The following KIF16B variants were observed in gnomAD, a reference collection of about 807,000 sequenced individuals.
KIF16B encodes the protein kinesin-like protein KIF16B.
In KIF16B, 98 loss-of-function variants were observed where a neutral mutation model predicts 156.3. The ratio of observed to expected loss-of-function variants is 0.63; its 90% CI spans 0.53 to 0.74. The LOEUF (loss-of-function observed/expected upper bound fraction) is 0.74, where lower values mean the gene tolerates loss of function less well. KIF16B is among the 30% of genes least tolerant of loss of function. The pLI is 0.00. For synonymous variants in KIF16B, 564 were observed against 583.7 expected (o/e 0.97, Z 0.49); for missense variants, 1,421 against 1,606.5 (o/e 0.88, Z 1.97).
intron 3 of KIF16B, 64 bp downstream of exon 3, chr20:16,526,028 G>C: frequency 1.1e-6 from 1 of 899,454 alleles, no homozygotes; most frequent in South Asian, 1.7e-5. Context: ...AAGTATTTTA[G>C]GGTAGGCATG....
intron 24 of KIF16B, among the ~76,000 whole-genome samples, chr20:16,313,332 C>T (rs1317931806): frequency 6.6e-6 from 1 of 152,136 alleles, no homozygotes; most frequent in African/African-American, 2.4e-5. Flanking sequence ...CAATTTTATG[C>T]CTATGCAAAT....
chr20:16,560,762 G>A (rs961339818), intron 1 of KIF16B, among the ~76,000 whole-genome samples: 2 of 151,916 alleles, frequency 1.3e-5, no homozygotes, highest in Non-Finnish European at 2.9e-5. Flanking sequence ...TCAAGCCTGG[G>A]TGACAAAGTG....
chr20:16,547,022 C>T (rs1216365641), intron 1 of KIF16B, among the ~76,000 whole-genome samples: 3 of 152,154 alleles, frequency 2.0e-5, no homozygotes, highest in African/African-American at 4.8e-5. Context: ...GGGGATCTGC[C>T]GGCCTCGGTC....
At chr20:16,312,594 C>T (rs541941580) in intron 24 of KIF16B, among the ~76,000 whole-genome samples, 176 bp from the exon 25 acceptor site, 61 of 152,284 alleles carry the variant, frequency 4.0e-4, no homozygotes, top group Middle Eastern at 3.4e-3. Flanking sequence ...ACAGATAAAG[C>T]AACCTTGGGT....
At chr20:16,452,378 G>A (rs368655707) in intron 12 of KIF16B, among the ~76,000 whole-genome samples, 35 of 149,844 alleles carry the variant, frequency 2.3e-4, no homozygotes, top group African/African-American at 8.3e-4. Context: ...AAAAAAGTAA[G>A]TAAAACTGCC....
At chr20:16,294,737 A>T (rs1175077595) in intron 25 of KIF16B, among the ~76,000 whole-genome samples, 1 of 152,126 alleles carries the variant, frequency 6.6e-6, no homozygotes, top group Non-Finnish European at 1.5e-5. Flanking sequence ...GGCTAATATC[A>T]CAGGTAGGGC....
chr20:16,556,627 T>C lies in KIF16B; in HGVS notation c.47+16602A>G, dbSNP rs138134863. Among the ~76,000 whole-genome samples the C allele has an allele frequency of 9.5e-4, 145 of 152,266 alleles. 1 individual carries two copies. The highest frequency in any genetic ancestry group is 1.8e-3 in the Non-Finnish European group (122 of 68,012). Reference sequence around the variant, plus strand: ...CTACCACACTTAAAACCTAAGACTTTAGGTGGCTTAATAGGCCCTATATGA... The same window carrying C: ...CTACCACACTTAAAACCTAAGACTTCAGGTGGCTTAATAGGCCCTATATGA... On this transcript the variant is annotated intron_variant, in intron 1 of 25. Coordinates refer to ENST00000354981, the MANE Select transcript of KIF16B (RefSeq NM_024704.5).
chr20:16,359,742 T>A (rs2064515935), intron 22 of KIF16B, among the ~76,000 whole-genome samples: 2 of 151,714 alleles, frequency 1.3e-5, no homozygotes, highest in African/African-American at 4.8e-5. Flanking sequence ...AATGAGTAGA[T>A]CTTATAATAT....
At chr20:16,389,372 A>G (rs1411681302) in intron 17 of KIF16B, among the ~76,000 whole-genome samples, 1 of 152,162 alleles carries the variant, frequency 6.6e-6, no homozygotes, top group East Asian at 1.9e-4. Context: ...CTGATCAAGC[A>G]TATGTCATCT....
intron 25 of KIF16B, among the ~76,000 whole-genome samples, chr20:16,291,524 T>C (rs548106577): frequency 1.3e-5 from 2 of 152,300 alleles, no homozygotes; most frequent in East Asian, 3.9e-4. Flanking sequence ...AATGCTGCAA[T>C]AGGACACAGG....
chr20:16,500,946 G>T (rs1339854279), intron 10 of KIF16B, among the ~76,000 whole-genome samples: 1 of 151,538 alleles, frequency 6.6e-6, no homozygotes, highest in South Asian at 2.1e-4. Context: ...TTTACTTGTT[G>T]TCTCCAGATA....
intron 1 of KIF16B, among the ~76,000 whole-genome samples, chr20:16,549,877 C>A (rs1330154950): frequency 1.4e-5 from 1 of 70,608 alleles, no homozygotes; most frequent in Non-Finnish European, 2.8e-5. Context: ...AACGTTAGAC[C>A]TAAAACCATA....
At chr20:16,400,422 TG>T (rs2065621039) in intron 17 of KIF16B, among the ~76,000 whole-genome samples, 2 of 152,232 alleles carry the variant, frequency 1.3e-5, no homozygotes, top group Non-Finnish European at 2.9e-5. Flanking sequence ...GAATGCAAAA[TG>T]GTGCAGCTGT....
At chr20:16,437,989 T>A (rs7273639) in intron 12 of KIF16B, among the ~76,000 whole-genome samples, 35,344 of 98,756 alleles carry the variant, frequency 0.36, 4,907 homozygotes, top group African/African-American at 0.52. Flanking sequence ...AAAAAAATAA[T>A]AAAAAAAAAA....
chr20:16,273,187 G>T lies in KIF16B; in HGVS notation c.*66C>A. 2 of 1,385,888 alleles carry T rather than the reference G, an allele frequency of 1.4e-6. No homozygotes were observed. Among genetic ancestry groups the T allele is most frequent in the Non-Finnish European group, 2.0e-6 (2 of 979,636 alleles). 85.8% of individuals were successfully genotyped at this position (1,385,888 alleles called of 1,614,324 possible). On this transcript the variant is annotated 3_prime_UTR_variant, in exon 26 of 26. Transcript: ENST00000354981. ...ACCCGGATCCTCGCATGGGGGAGCT[G>T]CCCTGCATCGGAGCCCGCTTCGACG...
chr20:16,339,180 T>G (rs1330442085), intron 23 of KIF16B, among the ~76,000 whole-genome samples: 1 of 152,196 alleles, frequency 6.6e-6, no homozygotes, highest in African/African-American at 2.4e-5. Flanking sequence ...CCACCCAGAC[T>G]ACTCTTACCA....
At chr20:16,478,552 G>A (rs933404968) in intron 12 of KIF16B, among the ~76,000 whole-genome samples, 2 of 152,082 alleles carry the variant, frequency 1.3e-5, no homozygotes, top group African/African-American at 4.8e-5. Flanking sequence ...GTTCTCAGTC[G>A]CATGATGAAC....
At chr20:16,488,183 A>C (rs2068180569) in intron 12 of KIF16B, among the ~76,000 whole-genome samples, 1 of 152,218 alleles carries the variant, frequency 6.6e-6, no homozygotes, top group Non-Finnish European at 1.5e-5. Flanking sequence ...AAAAATGAGA[A>C]GAATAACCAA....
At chr20:16,525,822 G>A (rs933557087) in intron 3 of KIF16B, among the ~76,000 whole-genome samples, 1 of 151,974 alleles carries the variant, frequency 6.6e-6, no homozygotes. Flanking sequence ...TTCTAAACAG[G>A]AACCATATCC....
Sources: allele counts gnomAD v4.1 joint callset (sites outside exome capture counted in the v4.1 genomes callset), GRCh38; gene constraint gnomAD v4.1.1; transcripts MANE v1.5; gene names NCBI Gene and HGNC (gene_info 2026-07-23, HGNC 2026-07-21).